TEAD1: variants seen among roughly 807,000 people sequenced by gnomAD.
TEAD1 encodes transcriptional enhancer factor TEF-1.
A neutral mutation model predicts 54.9 loss-of-function variants in TEAD1; 9 were observed. That is an observed-to-expected ratio of 0.16 (90% CI 0.10 to 0.29). TEAD1 has a LOEUF of 0.29. Among genes scored for constraint, TEAD1 ranks in the 10% least tolerant of loss-of-function variants. The pLI, the probability that TEAD1 is intolerant of heterozygous loss-of-function variation, is 1.00. For missense variants in TEAD1, 387 were observed against 535.9 expected (o/e 0.72, Z 2.74); for synonymous variants, 200 against 187.8 (o/e 1.07, Z -0.53).
chr11:12,744,996 G>C (rs1944718524), intron 2 of TEAD1, among the ~76,000 whole-genome samples: 1 of 152,154 alleles, frequency 6.6e-6, no homozygotes, highest in African/African-American at 2.4e-5. Flanking sequence ...CTTGTCGGAA[G>C]GTTACCTGTG....
chr11:12,884,418 T>C (rs1490597015), intron 9 of TEAD1, among the ~76,000 whole-genome samples: 1 of 152,218 alleles, frequency 6.6e-6, no homozygotes, highest in Non-Finnish European at 1.5e-5. Context: ...CCTGCCTTAA[T>C]GTCATTTCTA....
At chr11:12,889,660 G>A (rs1948157442) in intron 9 of TEAD1, among the ~76,000 whole-genome samples, 1 of 152,174 alleles carries the variant, frequency 6.6e-6, no homozygotes, top group Non-Finnish European at 1.5e-5. Context: ...TGATACAGTA[G>A]AGGAACAAAC....
At chr11:12,767,571 G>A (rs1564932898) in intron 3 of TEAD1, among the ~76,000 whole-genome samples, 1 of 152,170 alleles carries the variant, frequency 6.6e-6, no homozygotes, top group African/African-American at 2.4e-5. Flanking sequence ...TAGGGCAAAT[G>A]CAGTCTTATA....
At position 12,878,547 on chromosome 11, in the gene TEAD1, C is replaced by T. The variant is rs376375902; in HGVS notation, c.331-1161C>T. Among the ~76,000 whole-genome samples, 83 of 152,224 alleles carry T rather than the reference C, an allele frequency of 5.5e-4. 1 individual carries two copies. Among genetic ancestry groups the T allele is most frequent in the African/African-American group, 2.0e-3 (83 of 41,528 alleles). ...TACGAGGCTCAAAGCCCTGCCTGTG[C>T]CCACCGGGCCTGTCTCATACCAGGA... On this transcript the variant is annotated intron_variant, in intron 5 of 12. Coordinates refer to ENST00000527636, the MANE Select transcript of TEAD1 (RefSeq NM_021961.6).
intron 12 of TEAD1, among the ~76,000 whole-genome samples, chr11:12,931,494 C>T (rs1590001057): frequency 6.6e-6 from 1 of 152,212 alleles, no homozygotes; most frequent in East Asian, 1.9e-4. Context: ...AGAATCCATA[C>T]AGCAGGAATT....
At chr11:12,709,532 A>G (rs1318070498) in intron 2 of TEAD1, among the ~76,000 whole-genome samples, 1 of 151,552 alleles carries the variant, frequency 6.6e-6, no homozygotes, top group East Asian at 1.9e-4. Context: ...CTACTTATTT[A>G]TTTTAGAGAT....
At chr11:12,870,420 G>A (rs578136240) in intron 5 of TEAD1, among the ~76,000 whole-genome samples, 1 of 151,680 alleles carries the variant, frequency 6.6e-6, no homozygotes, top group East Asian at 1.9e-4. Context: ...GGAGAGTAGA[G>A]ACAAAGCGTC....
chr11:12,753,026 G>A (rs907852505), intron 2 of TEAD1, among the ~76,000 whole-genome samples: 2 of 58,796 alleles, frequency 3.4e-5, no homozygotes, highest in Non-Finnish European at 7.0e-5. Flanking sequence ...TTTTTTTTTT[G>A]TAGAGATAGG....
At chr11:12,861,463 G>A (rs749563955) in intron 3 of TEAD1, among the ~76,000 whole-genome samples, 5 of 152,060 alleles carry the variant, frequency 3.3e-5, no homozygotes, top group East Asian at 1.9e-4. Context: ...TCCGGCTTCC[G>A]TGGCCACAGC....
intron 3 of TEAD1, among the ~76,000 whole-genome samples, chr11:12,815,846 G>C (rs906767278): frequency 6.6e-6 from 1 of 152,220 alleles, no homozygotes; most frequent in Admixed American, 6.5e-5. Flanking sequence ...GTTGCCTGCG[G>C]GTACAGATCA....
At chr11:12,712,721 A>G (rs1943969818) in intron 2 of TEAD1, among the ~76,000 whole-genome samples, 1 of 152,184 alleles carries the variant, frequency 6.6e-6, no homozygotes, top group Non-Finnish European at 1.5e-5. Context: ...AGGGAGTAAA[A>G]TGAGAGACCA....
At chr11:12,720,461 T>G (rs1810581870) in intron 2 of TEAD1, among the ~76,000 whole-genome samples, 1 of 152,232 alleles carries the variant, frequency 6.6e-6, no homozygotes, top group Non-Finnish European at 1.5e-5. Flanking sequence ...ACTGCAACTT[T>G]ACTGTATGCC....
intron 9 of TEAD1, among the ~76,000 whole-genome samples, chr11:12,883,777 G>A (rs1365329871): frequency 6.6e-6 from 1 of 152,096 alleles, no homozygotes; most frequent in South Asian, 2.1e-4. Context: ...ACTTTGGGAG[G>A]CCGAGGCAGG....
At chr11:12,681,007 A>G (rs1286632142) in intron 2 of TEAD1, among the ~76,000 whole-genome samples, 2 of 152,132 alleles carry the variant, frequency 1.3e-5, no homozygotes, top group African/African-American at 4.8e-5. Context: ...TTCTGAAACC[A>G]TTGTGAGCCG....
intron 5 of TEAD1, among the ~76,000 whole-genome samples, chr11:12,874,422 G>GAT (rs1293071442): frequency 1.3e-5 from 2 of 152,188 alleles, no homozygotes; most frequent in Admixed American, 6.5e-5. Context: ...ATTACATGTA[G>GAT]ATATTTTCCA....
At chr11:12,816,154 C>T (rs1385361675) in intron 3 of TEAD1, among the ~76,000 whole-genome samples, 1 of 152,204 alleles carries the variant, frequency 6.6e-6, no homozygotes, top group African/African-American at 2.4e-5. Context: ...TTGCACTGTG[C>T]CTGCACTCGG....
At chr11:12,766,968 C>T (rs1177377236) in intron 3 of TEAD1, among the ~76,000 whole-genome samples, 1 of 152,256 alleles carries the variant, frequency 6.6e-6, no homozygotes, top group African/African-American at 2.4e-5. Flanking sequence ...GGAAACATCC[C>T]CCCTGAACTC....
intron 2 of TEAD1, among the ~76,000 whole-genome samples, chr11:12,730,547 G>A (rs1200594368): frequency 3.3e-5 from 5 of 150,130 alleles, no homozygotes; most frequent in Admixed American, 1.3e-4. Context: ...TAGAGGTGTT[G>A]TGGTTTCTAG....
intron 9 of TEAD1, among the ~76,000 whole-genome samples, chr11:12,896,893 G>A (rs964469734): frequency 1.3e-5 from 2 of 152,190 alleles, no homozygotes; most frequent in African/African-American, 4.8e-5. Flanking sequence ...TGATAGGTGT[G>A]CTGGTTCATT....
Sources: gnomAD v4.1 joint callset for allele counts (sites outside exome capture counted in the v4.1 genomes callset) on GRCh38, gnomAD v4.1.1 for gene constraint, MANE v1.5 for transcripts, NCBI Gene and HGNC (gene_info 2026-07-23, HGNC 2026-07-21) for gene names.